Variants in EIF2B1 observed in about 807,000 individuals in gnomAD.
EIF2B1 encodes eukaryotic translation initiation factor 2B subunit alpha.
Under a neutral mutation model 36.8 loss-of-function variants are expected in EIF2B1, and 30 were observed. The observed-to-expected ratio is 0.81, with a 90% CI of 0.61 to 1.10. The LOEUF (loss-of-function observed/expected upper bound fraction) is 1.10, where lower values mean the gene tolerates loss of function less well. Among genes scored for constraint, EIF2B1 ranks in the 50% least tolerant of loss-of-function variants. EIF2B1 has a pLI of 0.00. For missense variants in EIF2B1, 271 were observed against 374.8 expected (o/e 0.72, Z 2.29); for synonymous variants, 139 against 142.2 (o/e 0.98, Z 0.16).
intron 1 of EIF2B1, 38 bp from the exon 2 acceptor site, chr12:123,632,484 T>A: frequency 7.2e-7 from 1 of 1,382,896 alleles, no homozygotes; most frequent in Non-Finnish European, 1.0e-6. Flanking sequence ...CTAATTCATT[T>A]AGCAGCCTAT....
chr12:123,621,682 C>T lies in EIF2B1; in HGVS notation c.*74G>A. On this transcript the variant is annotated 3_prime_UTR_variant, in exon 9 of 9. Coordinates refer to ENST00000424014, the MANE Select transcript of EIF2B1 (RefSeq NM_001414.4). ...AACACATCTCAGTTTTGGCCTGACT[C>T]ACTGGGGTGTCAAGCAGCTACTCAC... is the stretch of plus-strand genomic sequence containing the variant. 1 of 1,600,244 alleles carries T rather than the reference C, an allele frequency of 6.2e-7. No homozygotes were observed. The highest frequency in any genetic ancestry group is 8.5e-7 in the Non-Finnish European group (1 of 1,170,066).
chr12:123,628,450 C>T (rs144308788), intron 4 of EIF2B1, among the ~76,000 whole-genome samples: 3 of 144,150 alleles, frequency 2.1e-5, no homozygotes, highest in African/African-American at 7.7e-5. Context: ...GCAGCCTCAA[C>T]TTCCTGGGTT....
At chr12:123,631,743 C>A (rs1286085402) in intron 2 of EIF2B1, among the ~76,000 whole-genome samples, 2 of 151,586 alleles carry the variant, frequency 1.3e-5, no homozygotes, top group African/African-American at 4.9e-5. Context: ...GGAAGCGGAG[C>A]CTGCAGTGAG....
chr12:123,620,535 TGTCA>T lies in EIF2B1; in HGVS notation c.*1217_*1220del, dbSNP rs1422566340. The T allele has an allele frequency of 5.6e-5, 8 of 143,304 alleles. No individual in the cohort carries two copies. Among genetic ancestry groups the T allele is most frequent in the African/African-American group, 2.1e-4 (8 of 38,422 alleles). 8.9% of individuals were successfully genotyped at this position (143,304 alleles called of 1,614,324 possible). On this transcript the variant is annotated 3_prime_UTR_variant, in exon 9 of 9. Coordinates refer to ENST00000424014, the MANE Select transcript of EIF2B1 (RefSeq NM_001414.4). ...AAATTATTTGAGTGTAAATAATAGATGTCAGTATTTATCATGATGGGTCACATAT... is the reference window on the plus strand; with the variant it reads ...AAATTATTTGAGTGTAAATAATAGATGTATTTATCATGATGGGTCACATAT...
Position 123,624,827 on chromosome 12 carries a change from C to A in EIF2B1, c.587G>T (p.Gly196Val). ...IMEKADLVIVGAEGVVENGGI... is the reference protein window; with the variant it reads ...IMEKADLVIVVAEGVVENGGI... ...TCCGTTTTCAACAACTCCTTCAGCA[C>A]CAACTATGACAAGATCTGCTTTCTC... Residue 196 changes from glycine to valine, a missense_variant, in exon 7 of 9, where the codon GGT becomes GTT. Gly to Val is a moderately radical substitution (Grantham distance 109, BLOSUM62 -3). Transcript: ENST00000424014. The A allele has an allele frequency of 6.2e-7, 1 of 1,614,034 alleles. No individual in the cohort carries two copies. The highest frequency in any genetic ancestry group is 1.1e-5 in the South Asian group (1 of 91,078).
At position 123,621,257 on chromosome 12, in the gene EIF2B1, C is replaced by T. The variant is rs1955092298; in HGVS notation, c.*499G>A. ...GGTAGTTTTTACTGTTTGGCTTGATCCTGCTGAGGAATGTGCTTACCACTG... is the reference window on the plus strand; with the variant it reads ...GGTAGTTTTTACTGTTTGGCTTGATTCTGCTGAGGAATGTGCTTACCACTG... On this transcript the variant is annotated 3_prime_UTR_variant, in exon 9 of 9. Coordinates refer to ENST00000424014, the MANE Select transcript of EIF2B1 (RefSeq NM_001414.4). The T allele has an allele frequency of 4.6e-6, 1 of 215,174 alleles. No individual in the cohort carries two copies. Among genetic ancestry groups the T allele is most frequent in the Admixed American group, 5.3e-5 (1 of 19,012 alleles). The allele number at this position is 215,174 out of a possible 1,614,324, so 13.3% of individuals were successfully genotyped here.
At chr12:123,627,255 G>T in intron 4 of EIF2B1, 99 bp from the exon 5 acceptor site, 2 of 904,028 alleles carry the variant, frequency 2.2e-6, no homozygotes, top group Non-Finnish European at 3.7e-6. Context: ...AAGCATCTCT[G>T]TACACTTTCT....
In EIF2B1 at chr12:123,621,725, A is replaced by C; in HGVS notation, c.*31T>G. ...CTACTCACCCTGCCTCAACTACGTAAGCTGCACCTTGGCAGGAAAGGGCTC... is the reference window on the plus strand; with the variant it reads ...CTACTCACCCTGCCTCAACTACGTACGCTGCACCTTGGCAGGAAAGGGCTC... On this transcript the variant is annotated 3_prime_UTR_variant, in exon 9 of 9. Transcript: ENST00000424014. The C allele has an allele frequency of 1.2e-6, 2 of 1,612,796 alleles. No individual in the cohort carries two copies. Among genetic ancestry groups the C allele is most frequent in the Non-Finnish European group, 1.7e-6 (2 of 1,180,010 alleles).
At position 123,630,091 on chromosome 12, in the gene EIF2B1, C is replaced by T; in HGVS notation, c.369+78G>A. ...TCAAGTCTCCACAGCAAGTGAGTGGCAGAGCCCGGATTTTACCCCAGGCAG... is the reference window on the plus strand; with the variant it reads ...TCAAGTCTCCACAGCAAGTGAGTGGTAGAGCCCGGATTTTACCCCAGGCAG... On this transcript the variant is annotated intron_variant, in intron 4 of 8. Coordinates refer to ENST00000424014, the MANE Select transcript of EIF2B1 (RefSeq NM_001414.4). This position sits in a 1 kb window ranked among gnomAD's most constrained non-coding sequence, Gnocchi z 4.6. The T allele has an allele frequency of 2.4e-6, 3 of 1,258,230 alleles. No individual in the cohort carries two copies. The highest frequency in any genetic ancestry group is 1.2e-6 in the Non-Finnish European group (1 of 861,640). 77.9% of individuals were successfully genotyped at this position (1,258,230 alleles called of 1,614,324 possible).
At chr12:123,622,061 G>A (rs1453748482) in intron 8 of EIF2B1, 141 bp from the exon 9 acceptor site, 4 of 1,206,376 alleles carry the variant, frequency 3.3e-6, no homozygotes, top group African/African-American at 1.5e-5. Context: ...GGACACTAGA[G>A]ACGAGGGCAG....
Position 123,627,058 on chromosome 12 carries a change from C to T in EIF2B1, c.468G>A (p.Gln156=), listed in dbSNP as rs767525555. The change falls in exon 5 of 9, where the codon CAG becomes CAA. Residue 156 remains glutamine (Q), a synonymous_variant. Coordinates refer to ENST00000424014, the MANE Select transcript of EIF2B1 (RefSeq NM_001414.4). ...KRFSVYVTES[Q]PDLSGKKMAK... is the part of the protein sequence containing the mutation. Reference sequence around the variant, plus strand: ...AAGGTACTTGCCCTGACAAATCAGGCTGTGACTCTGTGACGTATACACTAA... The same window carrying T: ...AAGGTACTTGCCCTGACAAATCAGGTTGTGACTCTGTGACGTATACACTAA... The T allele has an allele frequency of 1.2e-6, 2 of 1,614,172 alleles. No homozygotes were observed. Among genetic ancestry groups the T allele is most frequent in the East Asian group, 2.2e-5 (1 of 44,890 alleles).
chr12:123,632,475 T>C (rs1346655997), intron 1 of EIF2B1, 29 bp from the exon 2 acceptor site: 1 of 1,475,050 alleles, frequency 6.8e-7, no homozygotes, highest in Non-Finnish European at 9.5e-7. Flanking sequence ...GTGATTCACC[T>C]AATTCATTTA....
chr12:123,626,403 G>A (rs373998526), intron 6 of EIF2B1, 22 bp downstream of exon 6: 139 of 1,613,878 alleles, frequency 8.6e-5, no homozygotes, highest in Non-Finnish European at 1.2e-4. Context: ...GGTGATTATG[G>A]CTGGGGAAGA....
chr12:123,626,143 A>AAAAC lies in EIF2B1; in HGVS notation c.551+278_551+281dup, dbSNP rs141248531. ...GCAAGACTCCATCTCAAAAAAACAA[A>AAAAC]AAACAAACAAACAAAAACAACAACA... On this transcript the variant is annotated intron_variant, in intron 6 of 8. Transcript: ENST00000424014. 2.2e-5 allele frequency: 10 copies of AAAAC among 445,950 alleles called. No homozygotes were observed. The East Asian group carries it at 3.9e-4, about 17-fold the overall frequency. 27.6% of individuals were successfully genotyped at this position (445,950 alleles called of 1,614,324 possible).
chr12:123,632,544 T>C, intron 1 of EIF2B1, 98 bp from the exon 2 acceptor site: 1 of 838,596 alleles, frequency 1.2e-6, no homozygotes, highest in Non-Finnish European at 2.0e-6. Context: ...GCAAACAATT[T>C]AAAAAATACT....
At chr12:123,625,103 ATGTG>A (rs1248645101) in intron 6 of EIF2B1, among the ~76,000 whole-genome samples, 2 of 152,134 alleles carry the variant, frequency 1.3e-5, no homozygotes, top group Admixed American at 6.5e-5. Context: ...ACACGTACAT[ATGTG>A]TGTAAGTGAA....
Position 123,627,026 on chromosome 12 carries a change from G to T in EIF2B1, c.482+18C>A. The T allele has an allele frequency of 6.2e-7, 1 of 1,607,140 alleles. No individual in the cohort carries two copies. The highest frequency in any genetic ancestry group is 8.5e-7 in the Non-Finnish European group (1 of 1,173,594). On this transcript the variant is annotated intron_variant, in intron 5 of 8. Coordinates refer to ENST00000424014, the MANE Select transcript of EIF2B1 (RefSeq NM_001414.4). ...TAAAATTATGGCTGGGCACATAACT[G>T]AACAGAAAGGTACTTGCCCTGACAA...
At chr12:123,627,559 A>G (rs918274682) in intron 4 of EIF2B1, among the ~76,000 whole-genome samples, 2 of 152,226 alleles carry the variant, frequency 1.3e-5, no homozygotes, top group African/African-American at 4.8e-5. Context: ...GCGAAAGGCT[A>G]CAGAAGGCTG....
intron 6 of EIF2B1, 112 bp from the exon 7 acceptor site, chr12:123,624,974 A>G: frequency 9.9e-7 from 1 of 1,014,112 alleles, no homozygotes; most frequent in South Asian, 1.3e-5. Flanking sequence ...TCCCATAACT[A>G]CCTGTTTTTT....
Sources: allele counts gnomAD v4.1 joint callset (sites outside exome capture counted in the v4.1 genomes callset), GRCh38; gene constraint gnomAD v4.1.1; non-coding constraint Gnocchi (gnomAD v3.1); transcripts MANE v1.5; gene names NCBI Gene and HGNC (gene_info 2026-07-23, HGNC 2026-07-21).